The following CTNNAL1 variants were observed in gnomAD, a reference collection of about 807,000 sequenced individuals.
CTNNAL1 encodes catenin alpha like 1.
CTNNAL1 carries 69 observed loss-of-function variants against 93.6 expected under a neutral mutation model. The ratio of observed to expected loss-of-function variants is 0.74; its 90% confidence interval spans 0.61 to 0.90. The LOEUF (loss-of-function observed/expected upper bound fraction) is 0.90, where lower values mean the gene tolerates loss of function less well. CTNNAL1 is among the 40% of genes least tolerant of loss of function. The pLI, the probability that CTNNAL1 is intolerant of heterozygous loss-of-function variation, is 0.00. For synonymous variants in CTNNAL1, 286 were observed against 305.4 expected (o/e 0.94, Z 0.66); for missense variants, 836 against 862.0 (o/e 0.97, Z 0.38).
chr9:109,008,152 CTTTT>C (rs149753320), intron 1 of CTNNAL1, among the ~76,000 whole-genome samples: 10 of 85,288 alleles, frequency 1.2e-4, no homozygotes, highest in African/African-American at 1.7e-4. Context: ...ATCCATCTTT[CTTTT>C]TTTTTTTTTT....
In CTNNAL1 at chr9:108,983,305, CT is replaced by C; in HGVS notation, c.739del (p.Arg247GlyfsTer19). 1 of 1,522,470 alleles carries C rather than the reference CT, an allele frequency of 6.6e-7. No homozygotes were observed. The highest frequency in any genetic ancestry group is 8.8e-7 in the Non-Finnish European group (1 of 1,138,262). The allele number at this position is 1,522,470 out of a possible 1,614,324, so 94.3% of individuals were successfully genotyped here. Reference protein sequence around the residue: ...MLLTASKTCLRHPNCESAHKN... With the variant: ...MLLTASKTCLXHPNCESAHKN... Reference sequence around the variant, plus strand: ...ATGGGCTGATTCGCAGTTAGGATGCCTCAGACATGTCTTCAAAACAATTGAA... The same window carrying C: ...ATGGGCTGATTCGCAGTTAGGATGCCCAGACATGTCTTCAAAACAATTGAA... On this transcript the variant is annotated frameshift_variant, in exon 6 of 19. Transcript: ENST00000325551. LOFTEE classifies it high-confidence loss of function.
chr9:109,010,445 G>A (rs1346436841), intron 1 of CTNNAL1, among the ~76,000 whole-genome samples: 1 of 152,088 alleles, frequency 6.6e-6, no homozygotes, highest in Non-Finnish European at 1.5e-5. Flanking sequence ...AGCATAGCAG[G>A]CACCCCACTC....
chr9:108,948,211 G>A lies in CTNNAL1; in HGVS notation c.1859C>T (p.Ser620Phe), dbSNP rs2132084581. ...CTCTAGTTGATGAATTAAATCCTGG[G>A]AAGTTTTCAGTGGCCCCTCTCCTCT... ...FTRGEGPLKT[S>F]QDLIHQLEVF... The change falls in exon 15 of 19, where the codon TCC becomes TTC. Residue 620 changes from serine to phenylalanine, a missense_variant. By Grantham distance (155) the Ser-to-Phe change is radical. Transcript: ENST00000325551. 1 of 1,612,162 alleles carries A rather than the reference G, an allele frequency of 6.2e-7. No individual in the cohort carries two copies. Among genetic ancestry groups the A allele is most frequent in the South Asian group, 1.1e-5 (1 of 90,644 alleles).
Position 108,955,810 on chromosome 9 carries a change from G to A in CTNNAL1, c.1609C>T (p.Leu537Phe). ...CTTACCATTGGCTTTGGAAGTGAAA[G>A]GTAGCCATACTTCTCTCCTACAAAT... ...EGRRGEKYGY[L>F]SLPKPMKNNA... Residue 537 changes from leucine to phenylalanine, a missense_variant, in exon 12 of 19, where the codon CTT becomes TTT. Coordinates refer to ENST00000325551, the MANE Select transcript of CTNNAL1 (RefSeq NM_003798.4). 2.5e-6 allele frequency: 4 copies of A among 1,600,978 alleles called. No homozygotes were observed. Among genetic ancestry groups the A allele is most frequent in the Non-Finnish European group, 3.4e-6 (4 of 1,173,866 alleles).
At chr9:108,972,864 G>GGGGGGGGGGGGGGGGGGGGCCCCCCCCC in intron 8 of CTNNAL1, 31 bp from the exon 9 acceptor site, 4 of 142,578 alleles carry the variant, frequency 2.8e-5, no homozygotes, top group Non-Finnish European at 4.0e-5. Context: ...GGGGGGGTGG[G>GGGGGGGGGGGGGGGGGGGGCCCCCCCCC]AGGGTGGAGA....
At chr9:109,000,304 C>T (rs889990399) in intron 1 of CTNNAL1, among the ~76,000 whole-genome samples, 1 of 152,130 alleles carries the variant, frequency 6.6e-6, no homozygotes, top group Non-Finnish European at 1.5e-5. Context: ...GACAATCCCA[C>T]CACCATTAGG....
At position 108,952,425 on chromosome 9, in the gene CTNNAL1, A is replaced by G. The variant is rs1370062041; in HGVS notation, c.1680+19T>C. 1 of 1,614,190 alleles carries G rather than the reference A, an allele frequency of 6.2e-7. No homozygotes were observed. On this transcript the variant is annotated intron_variant, in intron 13 of 18. Coordinates refer to ENST00000325551, the MANE Select transcript of CTNNAL1 (RefSeq NM_003798.4). ...ACTATTCATGTTAAAGGAAGATTAG[A>G]TGTAGGAATTGGTCTTACCTCAGAG...
chr9:108,960,144 C>T (rs1295058425), intron 11 of CTNNAL1, among the ~76,000 whole-genome samples: 1 of 152,048 alleles, frequency 6.6e-6, no homozygotes, highest in African/African-American at 2.4e-5. Context: ...AAAATGAATC[C>T]CTGACCACTA....
chr9:108,943,144 A>AG (rs2132072431), intron 17 of CTNNAL1, 100 bp from the exon 18 acceptor site: 10 of 1,068,944 alleles, frequency 9.4e-6, no homozygotes, highest in Non-Finnish European at 1.3e-5. Context: ...TCCATATGGA[A>AG]ATCTAAGGGA....
chr9:108,991,786 A>G, intron 3 of CTNNAL1: 1 of 376,812 alleles, frequency 2.7e-6, no homozygotes, highest in East Asian at 6.0e-5. Flanking sequence ...TTTATCCTCA[A>G]ATCCTCTAGG....
At position 108,972,797 on chromosome 9, in the gene CTNNAL1, A is replaced by T. The variant is rs1231178071; in HGVS notation, c.1225T>A (p.Leu409Ile). The T allele has an allele frequency of 7.4e-7, 1 of 1,353,342 alleles. No homozygotes were observed. Among genetic ancestry groups the T allele is most frequent in the Non-Finnish European group, 9.8e-7 (1 of 1,024,300 alleles). The allele number at this position is 1,353,342 out of a possible 1,614,324, so 83.8% of individuals were successfully genotyped here. A position where few individuals can be genotyped will look rare whatever the true frequency, so the allele number is the denominator to read the frequency against. ...ACCACATGATCAGCATGGTATTTTA[A>T]TAGATCTGCTGCCAGCTGTGTCGCT... ...STATQLAADL[L>I]KYHADHVVLK... The change falls in exon 9 of 19, where the codon TTA becomes ATA. Residue 409 changes from leucine (L) to isoleucine (I), a missense_variant. Leu to Ile is a conservative substitution (Grantham distance 5). Transcript: ENST00000325551.
intron 2 of CTNNAL1, among the ~76,000 whole-genome samples, chr9:108,993,338 T>G (rs1831887617): frequency 6.6e-6 from 1 of 151,912 alleles, no homozygotes; most frequent in Non-Finnish European, 1.5e-5. Flanking sequence ...AGGGATGACA[T>G]CTTCAATATA....
intron 4 of CTNNAL1, among the ~76,000 whole-genome samples, chr9:108,988,035 A>G (rs905420527): frequency 6.6e-6 from 1 of 152,112 alleles, no homozygotes; most frequent in South Asian, 2.1e-4. Context: ...TCTCCTGCCT[A>G]ATTGCCCTGG....
intron 8 of CTNNAL1, 31 bp from the exon 9 acceptor site, chr9:108,972,864 G>GGGGGGGGGGGCCCCCCCCCCCCCC: frequency 2.1e-5 from 3 of 142,550 alleles, no homozygotes; most frequent in Non-Finnish European, 1.0e-5. Context: ...GGGGGGGTGG[G>GGGGGGGGGGGCCCCCCCCCCCCCC]AGGGTGGAGA....
At chr9:108,984,820 G>C (rs1445268209) in intron 4 of CTNNAL1, among the ~76,000 whole-genome samples, 1 of 152,164 alleles carries the variant, frequency 6.6e-6, no homozygotes, top group Non-Finnish European at 1.5e-5. Context: ...AGCATCTATT[G>C]ACTATTATTT....
Position 108,992,155 on chromosome 9 carries a change from T to G in CTNNAL1, c.519+477A>C. 6.0e-6 allele frequency: 4 copies of G among 668,052 alleles called. No homozygotes were observed. In the South Asian group the frequency reaches 6.6e-5, roughly 11 times the overall value. 41.4% of individuals were successfully genotyped at this position (668,052 alleles called of 1,614,324 possible). A position where few individuals can be genotyped will look rare whatever the true frequency, so the allele number is the denominator to read the frequency against. Reference sequence around the variant, plus strand: ...ACATACATTATCATAGTGCTCACCTTTTCTTTCCAAATGTTGTACACATTT... The same window carrying G: ...ACATACATTATCATAGTGCTCACCTGTTCTTTCCAAATGTTGTACACATTT... On this transcript the variant is annotated intron_variant, in intron 3 of 18. Transcript: ENST00000325551.
Position 108,983,217 on chromosome 9 carries a change from C to G in CTNNAL1, c.828G>C (p.Val276=). ...KVALDKVIEI[V]TDCKPNGETD... ...TCTCTCCATTCGGTTTACAGTCAGT[C>G]ACAATTTCAATGACCTTATCCAATG... Residue 276 remains valine (V), a synonymous_variant, in exon 6 of 19, where the codon GTG becomes GTC. Transcript: ENST00000325551. 1.3e-6 allele frequency: 2 copies of G among 1,593,394 alleles called. No homozygotes were observed. Among genetic ancestry groups the G allele is most frequent in the Non-Finnish European group, 1.7e-6 (2 of 1,169,686 alleles).
chr9:108,969,394 C>A (rs1831046024), intron 10 of CTNNAL1, among the ~76,000 whole-genome samples: 1 of 151,872 alleles, frequency 6.6e-6, no homozygotes. Flanking sequence ...CAAATGAATA[C>A]CTCTACTATA....
chr9:108,994,442 A>G (rs1402901437), intron 2 of CTNNAL1, among the ~76,000 whole-genome samples: 1 of 152,192 alleles, frequency 6.6e-6, no homozygotes, highest in Non-Finnish European at 1.5e-5. Flanking sequence ...AAGAACGAGT[A>G]AAAAAATGGC....
Sources: allele counts gnomAD v4.1 joint callset (sites outside exome capture counted in the v4.1 genomes callset), GRCh38; gene constraint gnomAD v4.1.1; transcripts MANE v1.5; gene names NCBI Gene and HGNC (gene_info 2026-07-23, HGNC 2026-07-21).